The following OTOA variants were observed in gnomAD, a reference collection of about 807,000 sequenced individuals.
OTOA encodes cancer/testis antigen 108.
Under a neutral mutation model 110.8 loss-of-function variants are expected in OTOA, and 70 were observed. The observed-to-expected ratio is 0.63, with a 90% CI of 0.52 to 0.77. The LOEUF (loss-of-function observed/expected upper bound fraction) is 0.77. Ranked by LOEUF, OTOA falls within the 30% of genes least tolerant of loss-of-function variation. OTOA has a pLI of 0.00. For synonymous variants in OTOA, 373 were observed against 431.5 expected (o/e 0.86, Z 1.68); for missense variants, 917 against 1,075.8 (o/e 0.85, Z 2.06).
Position 21,719,169 on chromosome 16 carries a change from A to T in OTOA, c.1666A>T (p.Arg556Ter). The T allele has an allele frequency of 6.2e-7, 1 of 1,614,104 alleles. No individual in the cohort carries two copies. The highest frequency in any genetic ancestry group is 8.5e-7 in the Non-Finnish European group (1 of 1,180,036). The change falls in exon 16 of 29, where the codon AGA (arginine) becomes TGA (stop). Residue 556 changes from arginine (R) to a stop codon, truncating the protein, a stop_gained. Coordinates refer to ENST00000646100, the MANE Select transcript of OTOA (RefSeq NM_144672.4). LOFTEE classifies it high-confidence loss of function. ...GTATGAGCTTCTGTTAAAGACCACCAGAAGGCCTGAGGAGCTTTTGAGGTA... is the reference window on the plus strand; with the variant it reads ...GTATGAGCTTCTGTTAAAGACCACCTGAAGGCCTGAGGAGCTTTTGAGGTA... ...FLYELLLKTT[R>*]RPEELLSAGQ...
Position 21,691,796 on chromosome 16 carries a change from C to G in OTOA, c.739+109C>G, listed in dbSNP as rs1247740010. 4 of 1,003,888 alleles carry G rather than the reference C, an allele frequency of 4.0e-6. No individual in the cohort carries two copies. The East Asian group carries it at 1.0e-4, about 26-fold the overall frequency. The allele number at this position is 1,003,888 out of a possible 1,614,324, so 62.2% of individuals were successfully genotyped here. A position where few individuals can be genotyped will look rare whatever the true frequency, so the allele number is the denominator to read the frequency against. On this transcript the variant is annotated intron_variant, in intron 9 of 28. Coordinates refer to ENST00000646100, the MANE Select transcript of OTOA (RefSeq NM_144672.4). ...TGATGTTGTTCTCTTCTGATTTTTA[C>G]CACCTCCCACTGCTTCGAAAAACAG...
intron 6 of OTOA, among the ~76,000 whole-genome samples, chr16:21,683,772 ATTT>A (rs75007819): frequency 1.4e-5 from 2 of 144,186 alleles, no homozygotes; most frequent in Admixed American, 6.9e-5. Flanking sequence ...ATAATGAGTG[ATTT>A]TTTTTTTTTT....
intron 11 of OTOA, among the ~76,000 whole-genome samples, chr16:21,701,629 A>G (rs1353760344): frequency 6.6e-6 from 1 of 151,738 alleles, no homozygotes; most frequent in African/African-American, 2.4e-5. Context: ...TTATTTATTT[A>G]TTTTTTTGAG....
chr16:21,749,071 G>A (rs1355438722), intron 24 of OTOA: 2 of 139,172 alleles, frequency 1.4e-5, no homozygotes, highest in Non-Finnish European at 3.1e-5. Flanking sequence ...AAAGAGTCCA[G>A]AGGGCAGTTT....
intron 1 of OTOA, among the ~76,000 whole-genome samples, chr16:21,673,034 G>C (rs1048685862): frequency 5.3e-5 from 8 of 152,154 alleles, no homozygotes; most frequent in Non-Finnish European, 1.2e-4. Context: ...TGTAGTCTCA[G>C]CTTCTCAGGA....
At chr16:21,723,102 T>C in intron 18 of OTOA, 124 bp downstream of exon 18, 1 of 915,112 alleles carries the variant, frequency 1.1e-6, no homozygotes, top group Non-Finnish European at 1.8e-6. Flanking sequence ...GAGGATGCCT[T>C]AGAGAGTTAA....
intron 2 of OTOA, 109 bp downstream of exon 2, chr16:21,678,714 G>A: frequency 8.6e-7 from 1 of 1,159,848 alleles, no homozygotes; most frequent in Non-Finnish European, 1.3e-6. Flanking sequence ...TGGGCTGTGT[G>A]TGTGTGCATG....
chr16:21,699,363 C>T (rs1273439381), intron 10 of OTOA, among the ~76,000 whole-genome samples: 2 of 152,216 alleles, frequency 1.3e-5, no homozygotes, highest in African/African-American at 2.4e-5. Context: ...GTGCCGGCTG[C>T]CGTGGCCCAT....
chr16:21,715,549 C>T (rs1047071408), intron 14 of OTOA, among the ~76,000 whole-genome samples: 1 of 151,566 alleles, frequency 6.6e-6, no homozygotes, highest in Non-Finnish European at 1.5e-5. Context: ...CCTGCCTCAA[C>T]CTCCTGAGTA....
intron 12 of OTOA, chr16:21,705,537 C>T (rs975751757): frequency 2.8e-5 from 16 of 563,438 alleles, no homozygotes; most frequent in South Asian, 2.4e-4. Flanking sequence ...CAGCCAGGCG[C>T]GGTGGCTCAT....
chr16:21,719,188 T>C lies in OTOA; in HGVS notation c.1685T>C (p.Leu562Ser). Reference sequence around the variant, plus strand: ...ACCACCAGAAGGCCTGAGGAGCTTTTGAGGTAGGAAAATGTAACTCGGCCT... The same window carrying C: ...ACCACCAGAAGGCCTGAGGAGCTTTCGAGGTAGGAAAATGTAACTCGGCCT... ...LKTTRRPEEL[L>S]SAGQLVKGVT... Residue 562 changes from leucine to serine, a missense_variant, in exon 16 of 29, where the codon TTG becomes TCG. This residue lies in a region of OTOA where 840 missense variants were observed against 910.2 expected (regional missense o/e 0.92). Transcript: ENST00000646100. 6.2e-7 allele frequency: 1 copy of C among 1,614,128 alleles called. No individual in the cohort carries two copies. The highest frequency in any genetic ancestry group is 8.5e-7 in the Non-Finnish European group (1 of 1,180,020).
chr16:21,750,069 C>T (rs1899781061), intron 24 of OTOA, among the ~76,000 whole-genome samples: 1 of 152,290 alleles, frequency 6.6e-6, no homozygotes, highest in South Asian at 2.1e-4. Flanking sequence ...TGAATCAGCA[C>T]ATGTTTAGTT....
At chr16:21,701,612 T>G (rs1898054419) in intron 11 of OTOA, among the ~76,000 whole-genome samples, 1 of 151,940 alleles carries the variant, frequency 6.6e-6, no homozygotes, top group Admixed American at 6.6e-5. Flanking sequence ...ACTCCCTCCT[T>G]TTCCTTTTAT....
At chr16:21,724,032 T>A (rs1898840557) in intron 18 of OTOA, among the ~76,000 whole-genome samples, 1 of 151,932 alleles carries the variant, frequency 6.6e-6, no homozygotes, top group Non-Finnish European at 1.5e-5. Context: ...GGACTTAGAG[T>A]GAGGGAGATG....
chr16:21,732,008 C>T (rs961900902), intron 21 of OTOA, among the ~76,000 whole-genome samples: 1 of 151,882 alleles, frequency 6.6e-6, no homozygotes, highest in African/African-American at 2.4e-5. Context: ...CTCTGTTGCC[C>T]AGGCTGGAGT....
chr16:21,710,224 T>G lies in OTOA; in HGVS notation c.1320+121T>G. 8.9e-6 allele frequency: 10 copies of G among 1,129,644 alleles called. No homozygotes were observed. In the South Asian group the frequency reaches 1.4e-4, roughly 15 times the overall value. The allele number at this position is 1,129,644 out of a possible 1,614,324, so 70.0% of individuals were successfully genotyped here. On this transcript the variant is annotated intron_variant, in intron 13 of 28. Transcript: ENST00000646100. ...GACGTAAACAACATAAATTTATTTC[T>G]CACAGTTCTGGAGACTGGGAAGTCC... is the stretch of plus-strand genomic sequence containing the variant.
chr16:21,719,315 G>A, intron 16 of OTOA, 72 bp from the exon 17 acceptor site: 1 of 1,555,866 alleles, frequency 6.4e-7, no homozygotes, highest in Non-Finnish European at 8.9e-7. Flanking sequence ...GATCATATCT[G>A]CCTTCTCTCG....
rs533414844 is a variant in OTOA, at chr16:21,698,351, T to A, written c.840+476T>A. 1.6e-4 allele frequency among the ~76,000 whole-genome samples: 24 copies of A among 152,234 alleles called. No individual in the cohort carries two copies. The South Asian group carries it at 3.9e-3, about 25-fold the overall frequency. On this transcript the variant is annotated intron_variant, in intron 10 of 28. Coordinates refer to ENST00000646100, the MANE Select transcript of OTOA (RefSeq NM_144672.4). The stretch of plus-strand genomic sequence containing the variant: ...AATGGTTAGATTTTAATTCTAGAGT[T>A]TACAGTGGAGAAATACACACATTCT...
At chr16:21,665,509 C>T (rs1966839153) in intron 1 of OTOA, among the ~76,000 whole-genome samples, 1 of 152,096 alleles carries the variant, frequency 6.6e-6, no homozygotes, top group African/African-American at 2.4e-5. Context: ...CCCTGCCATT[C>T]GCTTGCTGTG....
Sources: allele counts gnomAD v4.1 joint callset (sites outside exome capture counted in the v4.1 genomes callset), GRCh38; gene constraint gnomAD v4.1.1; regional missense constraint gnomAD v4.1.1; transcripts MANE v1.5; gene names NCBI Gene and HGNC (gene_info 2026-07-23, HGNC 2026-07-21).